The following CEP85 variants were observed in gnomAD, a reference collection of about 807,000 sequenced individuals.
CEP85 encodes centrosomal protein 85, also known as centrosomal protein of 85 kDa.
A neutral mutation model predicts 93.7 loss-of-function variants in CEP85; 58 were observed. The ratio of observed to expected loss-of-function variants is 0.62; its 90% CI spans 0.50 to 0.77. CEP85 has a LOEUF of 0.77. Among genes scored for constraint, CEP85 ranks in the 30% least tolerant of loss-of-function variants. The pLI is 0.00. For synonymous variants in CEP85, 314 were observed against 338.6 expected (o/e 0.93, Z 0.80); for missense variants, 868 against 922.0 (o/e 0.94, Z 0.76).
At chr1:26,268,063 A>C (rs186621927) in intron 7 of CEP85, among the ~76,000 whole-genome samples, 16 of 152,332 alleles carry the variant, frequency 1.1e-4, no homozygotes, top group African/African-American at 3.6e-4. Context: ...AAGTTCATTA[A>C]TTCTTTAGTT....
chr1:26,264,616 T>G (rs2089864878), intron 7 of CEP85, among the ~76,000 whole-genome samples: 2 of 152,294 alleles, frequency 1.3e-5, no homozygotes, highest in East Asian at 3.9e-4. Flanking sequence ...TTCACTGTAG[T>G]ATCAGACTTA....
rs2090075034 is a variant in CEP85 at position 26,277,779 on chromosome 1, C to G, written c.*486C>G. ...CCTTCTTGGGAACTGAGCTGGCTTTCTGGGTTTTCTCATGCCTGGTCTTAC... is the reference window on the plus strand; with the variant it reads ...CCTTCTTGGGAACTGAGCTGGCTTTGTGGGTTTTCTCATGCCTGGTCTTAC... On this transcript the variant is annotated 3_prime_UTR_variant, in exon 14 of 14. Coordinates refer to ENST00000451429, the MANE Select transcript of CEP85 (RefSeq NM_001319944.2). The G allele has an allele frequency of 6.4e-6, 1 of 155,504 alleles. No homozygotes were observed. Among genetic ancestry groups the G allele is most frequent in the Non-Finnish European group, 1.4e-5 (1 of 69,670 alleles). The allele number at this position is 155,504 out of a possible 1,614,324, so 9.6% of individuals were successfully genotyped here.
chr1:26,246,728 TTA>T (rs200857604), intron 3 of CEP85, among the ~76,000 whole-genome samples: 2,090 of 49,110 alleles, frequency 0.043, 47 homozygotes, highest in African/African-American at 0.13. Flanking sequence ...GACTCCGTCT[TTA>T]AAAAAAAAAA....
intron 3 of CEP85, 74 bp from the exon 4 acceptor site, chr1:26,255,097 T>G: frequency 8.0e-7 from 1 of 1,242,828 alleles, no homozygotes; most frequent in South Asian, 1.3e-5. Context: ...GGCCGAGAGC[T>G]TCTGGCATAG....
intron 7 of CEP85, among the ~76,000 whole-genome samples, chr1:26,263,679 CA>C (rs1003596090): frequency 6.2e-4 from 89 of 142,494 alleles, no homozygotes; most frequent in Admixed American, 8.5e-4. Context: ...GACATTGTCT[CA>C]AAAAAAAAAA....
chr1:26,246,990 G>A (rs1330199098), intron 3 of CEP85, among the ~76,000 whole-genome samples: 1 of 152,222 alleles, frequency 6.6e-6, no homozygotes, highest in South Asian at 2.1e-4. Context: ...AGCAGGAGGT[G>A]AGCAGCAGGT....
rs1232477783 is a variant in CEP85 at position 26,255,273 on chromosome 1, C to T, written c.311C>T (p.Ala104Val). The change falls in exon 4 of 14, where the codon GCC becomes GTC. Residue 104 changes from alanine to valine, a missense_variant. Ala to Val is a moderately conservative substitution (Grantham distance 64, BLOSUM62 0). Transcript: ENST00000451429. Reference protein sequence around the residue: ...VMPSTLGTSPAKPNSTPVGPS... With the variant: ...VMPSTLGTSPVKPNSTPVGPS... ...CCTTCTACTTTAGGGACCTCTCCTG[C>T]CAAGCCAAATTCTACACCTGTTGGA... 1 of 1,614,156 alleles carries T rather than the reference C, an allele frequency of 6.2e-7. No individual in the cohort carries two copies.
intron 3 of CEP85, among the ~76,000 whole-genome samples, chr1:26,249,006 G>A (rs1035758959): frequency 3.0e-4 from 46 of 152,248 alleles, no homozygotes; most frequent in Admixed American, 1.2e-3. Context: ...GATTACAGGC[G>A]TGAGCCACCA....
At chr1:26,237,424 G>A (rs1345034156) in intron 1 of CEP85, among the ~76,000 whole-genome samples, 1 of 152,100 alleles carries the variant, frequency 6.6e-6, no homozygotes, top group Non-Finnish European at 1.5e-5. Flanking sequence ...CTATGGATTT[G>A]CCTATTCTGA....
In CEP85 at chr1:26,273,901, AAAAT is replaced by A. The variant is rs1553161625; in HGVS notation, c.1795-1035_1795-1032del. On this transcript the variant is annotated intron_variant, in intron 11 of 13. Coordinates refer to ENST00000451429, the MANE Select transcript of CEP85 (RefSeq NM_001319944.2). ...GGGCGACAGAGTGAAACCCCATCTC[AAAAT>A]AAATAAATAAATAAATAAATAAATA... Among the ~76,000 whole-genome samples the A allele has an allele frequency of 1.4e-4, 20 of 141,486 alleles. No homozygotes were observed. In the East Asian group the frequency reaches 1.8e-3, roughly 13 times the overall value. 92.8% of individuals were successfully genotyped at this position (141,486 alleles called of 152,430 possible). A position where few individuals can be genotyped will look rare whatever the true frequency, so the allele number is the denominator to read the frequency against.
chr1:26,271,936 C>A, intron 10 of CEP85, 85 bp from the exon 11 acceptor site: 1 of 1,136,182 alleles, frequency 8.8e-7, no homozygotes, highest in Non-Finnish European at 1.3e-6. Context: ...ATAGCCAGAC[C>A]ACATGTCCTA....
chr1:26,268,336 C>A, intron 7 of CEP85, 147 bp from the exon 8 acceptor site: 2 of 762,798 alleles, frequency 2.6e-6, no homozygotes, highest in Non-Finnish European at 4.4e-6. Context: ...TGTGTGCCTG[C>A]AGTCCCAGCT....
At chr1:26,258,808 G>T (rs1444988617) in intron 6 of CEP85, among the ~76,000 whole-genome samples, 1 of 152,062 alleles carries the variant, frequency 6.6e-6, no homozygotes, top group Non-Finnish European at 1.5e-5. Flanking sequence ...TGTTGGCCAG[G>T]CTGGTCTCGA....
intron 7 of CEP85, chr1:26,263,510 CTA>C (rs890205939): frequency 1.3e-5 from 2 of 154,822 alleles, no homozygotes; most frequent in African/African-American, 4.8e-5. Context: ...ATGGCAAAAG[CTA>C]CAAAAAATTT....
intron 10 of CEP85, chr1:26,271,516 C>G (rs1482804395): frequency 5.9e-6 from 1 of 170,882 alleles, no homozygotes; most frequent in Non-Finnish European, 1.2e-5. Flanking sequence ...GCTGGTGAAA[C>G]TGACTGCAGG....
chr1:26,271,704 T>A, intron 10 of CEP85: 1 of 341,174 alleles, frequency 2.9e-6, no homozygotes, highest in Non-Finnish European at 5.4e-6. Context: ...AGAACAAGAG[T>A]TTGCACTGGC....
chr1:26,269,057 C>T (rs1016169937), intron 8 of CEP85, among the ~76,000 whole-genome samples: 3 of 152,184 alleles, frequency 2.0e-5, no homozygotes, highest in Admixed American at 6.5e-5. Flanking sequence ...CTGAGTCACC[C>T]TGGTCACCTG....
chr1:26,272,617 A>ATTTTTTTTTTTTTT lies in CEP85; in HGVS notation c.1794+560_1794+573dup, dbSNP rs397861910. On this transcript the variant is annotated intron_variant, in intron 11 of 13. Coordinates refer to ENST00000451429, the MANE Select transcript of CEP85 (RefSeq NM_001319944.2). The stretch of plus-strand genomic sequence containing the variant: ...GTAGGTGGTGGGCATCTATTACAGC[A>ATTTTTTTTTTTTTT]TTTTTTTTTTTTTTTTTTTTTTTTT... 3.3e-5 allele frequency among the ~76,000 whole-genome samples: 3 copies of ATTTTTTTTTTTTTT among 89,670 alleles called. 1 individual carries two copies. Among genetic ancestry groups the ATTTTTTTTTTTTTT allele is most frequent in the African/African-American group, 1.5e-4 (3 of 19,666 alleles). 58.8% of individuals were successfully genotyped at this position (89,670 alleles called of 152,430 possible).
chr1:26,277,256 A>G lies in CEP85; in HGVS notation c.2249A>G (p.Tyr750Cys). 2 of 1,614,224 alleles carry G rather than the reference A, an allele frequency of 1.2e-6. No individual in the cohort carries two copies. Among genetic ancestry groups the G allele is most frequent in the Non-Finnish European group, 1.7e-6 (2 of 1,180,010 alleles). Reference sequence around the variant, plus strand: ...TTAAGGACCACCATGTCAGACAGATATGCCCAGGACATGGGAGAAAACTGT... The same window carrying G: ...TTAAGGACCACCATGTCAGACAGATGTGCCCAGGACATGGGAGAAAACTGT... ...EDLRTTMSDR[Y>C]AQDMGENCVT... The change falls in exon 14 of 14, where the codon TAT becomes TGT. Residue 750 changes from tyrosine (Y) to cysteine (C), a missense_variant. By Grantham distance (194) the Tyr-to-Cys change is radical. Transcript: ENST00000451429.
Sources: allele counts gnomAD v4.1 joint callset (sites outside exome capture counted in the v4.1 genomes callset), GRCh38; gene constraint gnomAD v4.1.1; transcripts MANE v1.5; gene names NCBI Gene and HGNC (gene_info 2026-07-23, HGNC 2026-07-21).